BCKDHB: variants seen among roughly 807,000 people sequenced by gnomAD.
BCKDHB encodes the protein branched chain keto acid dehydrogenase E1 subunit beta.
BCKDHB carries 41 observed loss-of-function variants against 48.5 expected under a neutral mutation model. That is an observed-to-expected ratio of 0.85 (90% confidence interval 0.66 to 1.10). BCKDHB has a LOEUF of 1.10. BCKDHB is among the 50% of genes least tolerant of loss of function. The pLI is 0.00. For synonymous variants in BCKDHB, 201 were observed against 174.8 expected, an observed-to-expected ratio of 1.15 and a Z score of -1.18; for missense variants, 496 against 494.2, an observed-to-expected ratio of 1.00 and a Z score of -0.03.
rs1355782571 is a variant in BCKDHB, at chr6:80,344,914, C to A, written c.*1110C>A. 1 of 152,048 alleles carries A rather than the reference C, an allele frequency of 6.6e-6. No individual in the cohort carries two copies. The allele number at this position is 152,048 out of a possible 1,614,324, so 9.4% of individuals were successfully genotyped here. On this transcript the variant is annotated 3_prime_UTR_variant, in exon 10 of 10. Transcript: ENST00000320393. ...TAATTCATGACATTCTGAAACTTGC[C>A]TGTATATTATCTGAAAAATGGATTT... is the stretch of plus-strand genomic sequence containing the variant.
chr6:80,361,711 A>T, the BCKDHB span, among the ~76,000 whole-genome samples: 1 of 152,228 alleles, frequency 6.6e-6, no homozygotes, highest in East Asian at 1.9e-4. Flanking sequence ...CTAACAAAGC[A>T]GTTGCAAGCA....
chr6:80,125,126 T>A (rs1470745886), intron 1 of BCKDHB, among the ~76,000 whole-genome samples: 3 of 152,234 alleles, frequency 2.0e-5, no homozygotes, highest in Non-Finnish European at 4.4e-5. Context: ...ATCTTCTGGA[T>A]AATTTACTGC....
intron 9 of BCKDHB, among the ~76,000 whole-genome samples, chr6:80,286,999 T>C (rs1210988628): frequency 1.3e-5 from 2 of 152,156 alleles, no homozygotes; most frequent in East Asian, 1.9e-4. Context: ...TTCAGAAATA[T>C]ACAGTAAGTG....
intron 1 of BCKDHB, among the ~76,000 whole-genome samples, chr6:80,115,262 C>G (rs1769627042): frequency 6.6e-6 from 1 of 152,116 alleles, no homozygotes; most frequent in Admixed American, 6.5e-5. Context: ...ATCCTCCTGC[C>G]TCAGCCTCTT....
chr6:80,424,828 T>C, the BCKDHB span, among the ~76,000 whole-genome samples: 1 of 152,204 alleles, frequency 6.6e-6, no homozygotes, highest in African/African-American at 2.4e-5. Flanking sequence ...AGGAGGACTT[T>C]TCCTTTCAGG....
intron 1 of BCKDHB, among the ~76,000 whole-genome samples, chr6:80,123,480 T>A (rs1002629964): frequency 5.3e-5 from 8 of 152,184 alleles, no homozygotes; most frequent in Non-Finnish European, 1.0e-4. Context: ...CCAGCAACTC[T>A]TTGTATCTCT....
chr6:80,157,459 AT>A (rs36063034), intron 3 of BCKDHB, among the ~76,000 whole-genome samples: 3,946 of 96,698 alleles, frequency 0.041, 104 homozygotes, highest in African/African-American at 0.14. Flanking sequence ...TTGGGTGAGA[AT>A]TTTTTTTTTT....
intron 6 of BCKDHB, among the ~76,000 whole-genome samples, chr6:80,187,448 A>C (rs1267801636): frequency 6.6e-6 from 1 of 152,174 alleles, no homozygotes; most frequent in African/African-American, 2.4e-5. Context: ...TAGAGAGGGT[A>C]GGGGTAAGGG....
At chr6:80,442,131 A>G in the BCKDHB span, among the ~76,000 whole-genome samples, 13 of 152,308 alleles carry the variant, frequency 8.5e-5, no homozygotes, top group Admixed American at 2.6e-4. Flanking sequence ...AATCTAAAAC[A>G]TCAACTAAAT....
chr6:80,189,266 G>A (rs1427399506), intron 6 of BCKDHB, among the ~76,000 whole-genome samples: 1 of 151,932 alleles, frequency 6.6e-6, no homozygotes, highest in Non-Finnish European at 1.5e-5. Flanking sequence ...GAATTGATCA[G>A]TTCAAGTGAC....
chr6:80,446,042 G>T, the BCKDHB span, among the ~76,000 whole-genome samples: 1 of 152,196 alleles, frequency 6.6e-6, no homozygotes, highest in Non-Finnish European at 1.5e-5. Flanking sequence ...GAGAGCCAAG[G>T]AATGAGATTT....
the BCKDHB span, among the ~76,000 whole-genome samples, chr6:80,425,895 AT>A: frequency 6.6e-6 from 1 of 152,128 alleles, no homozygotes; most frequent in South Asian, 2.1e-4. Context: ...TGAGGGTAAT[AT>A]TTTTTTCAAC....
chr6:80,400,842 A>G, the BCKDHB span, among the ~76,000 whole-genome samples: 17 of 152,060 alleles, frequency 1.1e-4, no homozygotes, highest in Non-Finnish European at 2.2e-4. Context: ...AGGCTGGATA[A>G]AGAAAATGTA....
chr6:80,458,064 A>G, the BCKDHB span, among the ~76,000 whole-genome samples: 23 of 152,226 alleles, frequency 1.5e-4, no homozygotes, highest in African/African-American at 5.5e-4. Flanking sequence ...TTTTGTGTCT[A>G]TCACAGAACC....
the BCKDHB span, among the ~76,000 whole-genome samples, chr6:80,416,919 G>T: frequency 5.7e-4 from 86 of 151,938 alleles, no homozygotes; most frequent in East Asian, 0.014. Flanking sequence ...TAAATATTCT[G>T]TCTCAATTAT....
At chr6:80,409,550 A>G in the BCKDHB span, among the ~76,000 whole-genome samples, 55 of 105,362 alleles carry the variant, frequency 5.2e-4, 1 homozygote, top group African/African-American at 1.9e-3. Flanking sequence ...TTGCTTTATA[A>G]ATCTGGGTGC....
the BCKDHB span, among the ~76,000 whole-genome samples, chr6:80,359,126 G>A: frequency 1.3e-5 from 2 of 152,310 alleles, no homozygotes; most frequent in Non-Finnish European, 2.9e-5. Flanking sequence ...CGTGACATTA[G>A]TTCCCATCTT....
intron 8 of BCKDHB, among the ~76,000 whole-genome samples, chr6:80,204,583 TATG>T (rs747296990): frequency 1.8e-4 from 28 of 151,896 alleles, no homozygotes; most frequent in Non-Finnish European, 3.1e-4. Context: ...TGTATGGGGA[TATG>T]ATGTTTTATG....
intron 8 of BCKDHB, among the ~76,000 whole-genome samples, chr6:80,233,974 A>G (rs1337912408): frequency 6.6e-6 from 1 of 151,816 alleles, no homozygotes; most frequent in African/African-American, 2.4e-5. Flanking sequence ...AATGGTTTCG[A>G]GATGAAACTG....
Sources: allele counts gnomAD v4.1 joint callset (sites outside exome capture counted in the v4.1 genomes callset), GRCh38; gene constraint gnomAD v4.1.1; transcripts MANE v1.5; gene names NCBI Gene and HGNC (gene_info 2026-07-23, HGNC 2026-07-21).